Variants in CCNYL1 observed in about 807,000 individuals in gnomAD.
CCNYL1 encodes cyclin-Y-like protein 1.
Under a neutral mutation model 44.2 loss-of-function variants are expected in CCNYL1, and 16 were observed. The ratio of observed to expected loss-of-function variants is 0.36; its 90% CI spans 0.25 to 0.55. The LOEUF (loss-of-function observed/expected upper bound fraction) is 0.55, where lower values mean the gene tolerates loss of function less well. Among genes scored for constraint, CCNYL1 ranks in the 20% least tolerant of loss-of-function variants. CCNYL1 has a pLI of 0.85. For missense variants in CCNYL1, 348 were observed against 451.8 expected (o/e 0.77, Z 2.08); for synonymous variants, 159 against 163.2 (o/e 0.97, Z 0.20).
chr2:207,747,061 G>T lies in CCNYL1; in HGVS notation c.654G>T (p.Arg218Ser). Residue 218 changes from arginine to serine, a missense_variant, in exon 8 of 10, where the codon AGG becomes AGT. Physicochemically the swap from Arg to Ser is moderately radical, Grantham distance 110. This residue lies in a region of CCNYL1 where 45 missense variants were observed against 101.7 expected (regional missense o/e 0.44). Transcript: ENST00000295414. ...CAIVTLVYLE[R>S]LLTYAEIDIC... ...CTATTTTACAGGTTTACTTAGAAAG[G>T]CTTTTAACTTATGCTGAAATCGACA... 1.2e-6 allele frequency: 2 copies of T among 1,613,848 alleles called. No individual in the cohort carries two copies. The highest frequency in any genetic ancestry group is 1.7e-6 in the Non-Finnish European group (2 of 1,179,874).
At chr2:207,746,828 T>G (rs749802217) in intron 7 of CCNYL1, among the ~76,000 whole-genome samples, 1 of 151,942 alleles carries the variant, frequency 6.6e-6, no homozygotes, top group Non-Finnish European at 1.5e-5. Flanking sequence ...ATACAAAAAT[T>G]AGCTGGGCAT....
chr2:207,753,170 C>A (rs1455898865), intron 9 of CCNYL1, among the ~76,000 whole-genome samples: 4 of 152,122 alleles, frequency 2.6e-5, no homozygotes, highest in Non-Finnish European at 5.9e-5. Context: ...TTAAAATGTG[C>A]TTTGAGTATA....
At chr2:207,745,912 G>T (rs766006444) in intron 7 of CCNYL1, among the ~76,000 whole-genome samples, 4 of 152,196 alleles carry the variant, frequency 2.6e-5, no homozygotes, top group Non-Finnish European at 4.4e-5. Context: ...CTGCACTCCA[G>T]CCTAAAAAGA....
intron 7 of CCNYL1, among the ~76,000 whole-genome samples, chr2:207,743,707 TC>T (rs2105837557): frequency 6.6e-6 from 1 of 152,240 alleles, no homozygotes; most frequent in African/African-American, 2.4e-5. Context: ...AGAACAGAGA[TC>T]AAGATAAGAG....
At chr2:207,731,806 CTTTTTTTTTTTT>C (rs58231431) in intron 3 of CCNYL1, among the ~76,000 whole-genome samples, 2 of 84,706 alleles carry the variant, frequency 2.4e-5, no homozygotes, top group South Asian at 3.7e-4. Context: ...GAGGTTTCTT[CTTTTTTTTTTTT>C]TTTTTTTTTG....
Position 207,735,835 on chromosome 2 carries a change from G to C in CCNYL1, c.432-1576G>C, listed in dbSNP as rs150634866. On this transcript the variant is annotated intron_variant, in intron 4 of 9. Coordinates refer to ENST00000295414, the MANE Select transcript of CCNYL1 (RefSeq NM_001330218.2). Reference sequence around the variant, plus strand: ...GCCGAGATTGTGCCATTTTACTCCAGCCTGGGCGACAGAGCAAGACTCTGT... The same window carrying C: ...GCCGAGATTGTGCCATTTTACTCCACCCTGGGCGACAGAGCAAGACTCTGT... 4.6e-5 allele frequency among the ~76,000 whole-genome samples: 7 copies of C among 151,970 alleles called. No homozygotes were observed. In the East Asian group the frequency reaches 1.4e-3, roughly 29 times the overall value.
intron 1 of CCNYL1, among the ~76,000 whole-genome samples, chr2:207,713,088 A>G (rs1559162622): frequency 1.3e-5 from 2 of 152,228 alleles, no homozygotes; most frequent in Admixed American, 6.5e-5. Flanking sequence ...TGCTGGGATT[A>G]CAGGCGTGAG....
intron 4 of CCNYL1, among the ~76,000 whole-genome samples, chr2:207,737,126 A>G (rs1372662737): frequency 2.6e-5 from 4 of 152,300 alleles, no homozygotes; most frequent in Non-Finnish European, 4.4e-5. Context: ...CGTGTTAGCC[A>G]GGATGGTCTC....
intron 1 of CCNYL1, among the ~76,000 whole-genome samples, chr2:207,723,868 C>T (rs2091659917): frequency 7.4e-6 from 1 of 135,194 alleles, no homozygotes; most frequent in Admixed American, 7.3e-5. Context: ...GAGTGAGACT[C>T]CATCTCAAAA....
At chr2:207,742,164 A>AG in intron 6 of CCNYL1, 59 bp from the exon 7 acceptor site, 1 of 1,539,944 alleles carries the variant, frequency 6.5e-7, no homozygotes, top group East Asian at 2.3e-5. Flanking sequence ...AAAAAAAAAA[A>AG]AAAAGCTTAA....
intron 4 of CCNYL1, among the ~76,000 whole-genome samples, chr2:207,737,172 C>T (rs1039097127): frequency 3.9e-5 from 6 of 152,166 alleles, no homozygotes; most frequent in Non-Finnish European, 7.3e-5. Context: ...GCCTCGGCCT[C>T]CCAAAGTGCT....
rs1228382984 is a variant in CCNYL1, at chr2:207,737,383, T to G, written c.432-28T>G. ...CCTAACAAATGTTTAAATCAGTTGT[T>G]AAAAATAATTTTTTTTTCCCTTCAC... On this transcript the variant is annotated intron_variant, in intron 4 of 9. Coordinates refer to ENST00000295414, the MANE Select transcript of CCNYL1 (RefSeq NM_001330218.2). 2.5e-6 allele frequency: 4 copies of G among 1,569,622 alleles called. No individual in the cohort carries two copies. In the East Asian group the frequency reaches 6.7e-5, roughly 26 times the overall value.
At chr2:207,726,159 C>G (rs769683457) in intron 2 of CCNYL1, among the ~76,000 whole-genome samples, 13 of 152,194 alleles carry the variant, frequency 8.5e-5, no homozygotes, top group Non-Finnish European at 1.0e-4. Context: ...ACTTGTCTAG[C>G]ATCAAAGGAA....
Position 207,711,893 on chromosome 2 carries a change from TC to T in CCNYL1, c.-1del. ...GCGGTGGCAGAGAGGAGCGGAGGCT[TC>T]CCATGGGGAACACGCTGACCTGTTG... On this transcript the variant is annotated 5_prime_UTR_variant, in exon 1 of 10. Transcript: ENST00000295414. The T allele has an allele frequency of 7.3e-7, 1 of 1,375,414 alleles. No individual in the cohort carries two copies. The highest frequency in any genetic ancestry group is 9.4e-7 in the Non-Finnish European group (1 of 1,060,938). The allele number at this position is 1,375,414 out of a possible 1,614,324, so 85.2% of individuals were successfully genotyped here.
intron 6 of CCNYL1, among the ~76,000 whole-genome samples, chr2:207,741,016 G>A (rs1218965321): frequency 1.3e-5 from 2 of 152,166 alleles, no homozygotes; most frequent in East Asian, 3.9e-4. Context: ...AGCACTTTGG[G>A]AGGCCGAGGC....
At chr2:207,727,895 G>A (rs2091692486) in intron 3 of CCNYL1, among the ~76,000 whole-genome samples, 1 of 151,982 alleles carries the variant, frequency 6.6e-6, no homozygotes, top group East Asian at 1.9e-4. Context: ...CCTGGGAAAG[G>A]GCCCATAGAC....
At chr2:207,724,499 T>G (rs981502835) in intron 1 of CCNYL1, among the ~76,000 whole-genome samples, 5 of 152,218 alleles carry the variant, frequency 3.3e-5, no homozygotes, top group Non-Finnish European at 5.9e-5. Context: ...TATTTCTATT[T>G]GATAAGTTGA....
At chr2:207,739,763 T>C (rs2091794105) in intron 5 of CCNYL1, among the ~76,000 whole-genome samples, 1 of 152,204 alleles carries the variant, frequency 6.6e-6, no homozygotes, top group Non-Finnish European at 1.5e-5. Context: ...AGGATATTCA[T>C]GAGTGAAGCA....
At chr2:207,716,111 C>G (rs576964398) in intron 1 of CCNYL1, among the ~76,000 whole-genome samples, 1 of 152,286 alleles carries the variant, frequency 6.6e-6, no homozygotes, top group Non-Finnish European at 1.5e-5. Flanking sequence ...AAATAAGATA[C>G]TAAGATCTTA....
Sources: gnomAD v4.1 joint callset for allele counts (sites outside exome capture counted in the v4.1 genomes callset) on GRCh38, gnomAD v4.1.1 for gene constraint, gnomAD v4.1.1 regional missense constraint, MANE v1.5 for transcripts, NCBI Gene and HGNC (gene_info 2026-07-23, HGNC 2026-07-21) for gene names.